The following METTL24 variants were observed in gnomAD, a reference collection of about 807,000 sequenced individuals.
The protein encoded by METTL24 is probable methyltransferase-like protein 24.
In METTL24, 29 loss-of-function variants were observed where a neutral mutation model predicts 32.7. The observed-to-expected ratio is 0.89, with a 90% CI of 0.66 to 1.21. The LOEUF (loss-of-function observed/expected upper bound fraction) is 1.21, where lower values mean the gene tolerates loss of function less well. METTL24 is among the 50% of genes most tolerant of loss of function. The pLI is 0.00. For missense variants in METTL24, 439 were observed against 468.1 expected (o/e 0.94, Z 0.57); for synonymous variants, 163 against 179.5 (o/e 0.91, Z 0.73).
At chr6:110,305,942 T>G (rs908100597) in intron 3 of METTL24, among the ~76,000 whole-genome samples, 1 of 152,198 alleles carries the variant, frequency 6.6e-6, no homozygotes, top group African/African-American at 2.4e-5. Context: ...CCCACAATGT[T>G]AGACTGGATA....
chr6:110,249,938 C>T (rs1223470863), intron 4 of METTL24, among the ~76,000 whole-genome samples: 2 of 151,898 alleles, frequency 1.3e-5, no homozygotes, highest in African/African-American at 2.4e-5. Context: ...TTTCCTTGTA[C>T]CTGAAATATC....
intron 1 of METTL24, chr6:110,357,705 G>T (rs73763046): frequency 0.035 from 6,574 of 189,560 alleles, 465 homozygotes; most frequent in African/African-American, 0.15. Context: ...CTAGAAGGGC[G>T]CCCGGCCACG....
chr6:110,302,482 T>TAC (rs370988926), intron 3 of METTL24, among the ~76,000 whole-genome samples: 45 of 71,892 alleles, frequency 6.3e-4, no homozygotes, highest in East Asian at 3.8e-3. Context: ...TATACACATA[T>TAC]ACACACATAT....
In METTL24 at chr6:110,246,232, C is replaced by A; in HGVS notation, c.815G>T (p.Ser272Ile). The A allele has an allele frequency of 6.2e-7, 1 of 1,612,140 alleles. No homozygotes were observed. Residue 272 changes from serine to isoleucine, a missense_variant, in exon 5 of 5, where the codon AGT becomes ATT. Coordinates refer to ENST00000338882, the MANE Select transcript of METTL24 (RefSeq NM_001123364.3). ...ATTTTCCAAAACTTTCCATTCTGCA[C>A]TTTCCAGATCTGCCTTGAGAACGTC... ...KIDVLKADLE[S>I]AEWKVLENLI...
chr6:110,249,971 C>G (rs1367152629), intron 4 of METTL24, among the ~76,000 whole-genome samples: 1 of 151,886 alleles, frequency 6.6e-6, no homozygotes, highest in African/African-American at 2.4e-5. Flanking sequence ...TTTCACAAAC[C>G]TTTTGAAGAA....
At chr6:110,314,990 GTT>G (rs111369642) in intron 3 of METTL24, among the ~76,000 whole-genome samples, 5 of 142,868 alleles carry the variant, frequency 3.5e-5, no homozygotes, top group Admixed American at 7.0e-5. Context: ...AGTTTTTTGT[GTT>G]TTTTTTTTTT....
At chr6:110,355,321 A>C (rs933345441) in intron 1 of METTL24, among the ~76,000 whole-genome samples, 12 of 152,158 alleles carry the variant, frequency 7.9e-5, no homozygotes, top group Non-Finnish European at 1.2e-4. Context: ...CAGGTAGAGG[A>C]GTGAGCATAA....
intron 4 of METTL24, among the ~76,000 whole-genome samples, chr6:110,285,945 G>A (rs1771212437): frequency 6.6e-6 from 1 of 152,198 alleles, no homozygotes; most frequent in South Asian, 2.1e-4. Flanking sequence ...TTCCTCTTTT[G>A]TAATAATACC....
intron 4 of METTL24, among the ~76,000 whole-genome samples, chr6:110,273,601 G>A (rs1446272054): frequency 2.6e-5 from 4 of 151,280 alleles, no homozygotes; most frequent in Non-Finnish European, 5.9e-5. Context: ...ATATACAAAT[G>A]GCCAACAAAC....
At chr6:110,257,076 T>C (rs551759400) in intron 4 of METTL24, among the ~76,000 whole-genome samples, 2 of 152,330 alleles carry the variant, frequency 1.3e-5, no homozygotes, top group African/African-American at 4.8e-5. Flanking sequence ...GGGGCAATAA[T>C]CTGAGAGAAG....
At position 110,288,435 on chromosome 6, in the gene METTL24, C is replaced by A. The variant is rs553410408; in HGVS notation, c.786+10487G>T. 8.9e-4 allele frequency among the ~76,000 whole-genome samples: 135 copies of A among 152,202 alleles called. No individual in the cohort carries two copies. In the Middle Eastern group the frequency reaches 0.014, roughly 15 times the overall value. ...GGTGTTGAATATGATTTGGAGGCAA[C>A]ATTTCAAAATCTTTCATTTGTTAGG... On this transcript the variant is annotated intron_variant, in intron 4 of 4. Transcript: ENST00000338882.
In METTL24 at chr6:110,245,954, A is replaced by C; in HGVS notation, c.1093T>G (p.Trp365Gly). The C allele has an allele frequency of 6.2e-7, 1 of 1,609,338 alleles. No homozygotes were observed. The highest frequency in any genetic ancestry group is 8.5e-7 in the Non-Finnish European group (1 of 1,177,254). ...TGATGACATCCTGCATCCTATTTCC[A>C]TCTTGTATTCACCCAACTCAGAGTA... ...CYTLSWVNTR[W>G]K The change falls in exon 5 of 5, where the codon TGG becomes GGG. Residue 365 changes from tryptophan to glycine, a missense_variant. Physicochemically the swap from Trp to Gly is radical, Grantham distance 184 (BLOSUM62 -2). Coordinates refer to ENST00000338882, the MANE Select transcript of METTL24 (RefSeq NM_001123364.3).
intron 4 of METTL24, among the ~76,000 whole-genome samples, chr6:110,248,694 T>C (rs939480352): frequency 1.3e-5 from 2 of 151,782 alleles, no homozygotes; most frequent in Admixed American, 6.6e-5. Context: ...TCCCAGCAGG[T>C]GGATCACTTG....
chr6:110,321,714 C>A (rs191770145), intron 2 of METTL24, among the ~76,000 whole-genome samples: 1 of 152,202 alleles, frequency 6.6e-6, no homozygotes, highest in East Asian at 1.9e-4. Flanking sequence ...CAAGCTTTTA[C>A]GTCCATGTTT....
At chr6:110,355,454 C>G (rs113057098) in intron 1 of METTL24, among the ~76,000 whole-genome samples, 296 of 152,290 alleles carry the variant, frequency 1.9e-3, no homozygotes, top group African/African-American at 6.7e-3. Context: ...CAAAGCTAAA[C>G]ATTTCCTTTA....
At chr6:110,286,146 C>T (rs978053340) in intron 4 of METTL24, among the ~76,000 whole-genome samples, 2 of 152,184 alleles carry the variant, frequency 1.3e-5, no homozygotes, top group African/African-American at 4.8e-5. Flanking sequence ...ATGGGGAACT[C>T]ATCGACTGGG....
chr6:110,337,037 A>G (rs1290698373), intron 1 of METTL24, among the ~76,000 whole-genome samples: 1 of 152,252 alleles, frequency 6.6e-6, no homozygotes, highest in African/African-American at 2.4e-5. Flanking sequence ...CCCATGAGTG[A>G]CAGGCTGGAT....
chr6:110,321,173 GT>G (rs1771924392), intron 2 of METTL24, among the ~76,000 whole-genome samples: 1 of 152,154 alleles, frequency 6.6e-6, no homozygotes, highest in African/African-American at 2.4e-5. Flanking sequence ...GGAGGCAGAG[GT>G]TGTAGTGAGC....
At chr6:110,350,758 T>A (rs149230729) in intron 1 of METTL24, among the ~76,000 whole-genome samples, 7 of 74,996 alleles carry the variant, frequency 9.3e-5, no homozygotes, top group African/African-American at 3.5e-4. Context: ...AGACCCTGTC[T>A]CAACAAAATA....
Sources: allele counts gnomAD v4.1 joint callset (sites outside exome capture counted in the v4.1 genomes callset), GRCh38; gene constraint gnomAD v4.1.1; transcripts MANE v1.5; gene names NCBI Gene and HGNC (gene_info 2026-07-23, HGNC 2026-07-21).